TEX26: variants seen among roughly 807,000 people sequenced by gnomAD.
TEX26 encodes the protein testis-expressed protein 26.
In TEX26, 34 loss-of-function variants were observed where a neutral mutation model predicts 35.3. That is an observed-to-expected ratio of 0.96 (90% confidence interval 0.73 to 1.28). The LOEUF is 1.28. Ranked by LOEUF, TEX26 falls within the 50% of genes most tolerant of loss-of-function variation. TEX26 has a pLI of 0.00. For missense variants in TEX26, 371 were observed against 330.1 expected (o/e 1.12, Z -0.96); for synonymous variants, 136 against 111.8 (o/e 1.22, Z -1.36).
chr13:30,939,568 T>G, intron 1 of TEX26, 126 bp from the exon 2 acceptor site: 1 of 788,374 alleles, frequency 1.3e-6, no homozygotes. Flanking sequence ...CCTTTATTCC[T>G]TAGACTCTAA....
chr13:30,957,392 G>A (rs770282028), intron 4 of TEX26, among the ~76,000 whole-genome samples: 4 of 152,186 alleles, frequency 2.6e-5, no homozygotes, highest in Non-Finnish European at 5.9e-5. Flanking sequence ...CAAGAGTAGA[G>A]CATCAAGGGC....
At chr13:30,973,812 G>T (rs1201302629) in intron 6 of TEX26, among the ~76,000 whole-genome samples, 1 of 152,046 alleles carries the variant, frequency 6.6e-6, no homozygotes, top group Non-Finnish European at 1.5e-5. Context: ...TAACTGCTGG[G>T]AGTGAATAAA....
At chr13:30,942,757 T>A (rs1156658252) in intron 2 of TEX26, among the ~76,000 whole-genome samples, 1 of 152,176 alleles carries the variant, frequency 6.6e-6, no homozygotes, top group Admixed American at 6.5e-5. Flanking sequence ...CCCAAATTTA[T>A]GTTTTTGTAT....
intron 3 of TEX26, 92 bp downstream of exon 3, chr13:30,952,917 T>G: frequency 8.8e-7 from 1 of 1,135,956 alleles, no homozygotes; most frequent in Non-Finnish European, 1.3e-6. Context: ...CAAAGATCTC[T>G]CAGCTTCTAC....
intron 6 of TEX26, among the ~76,000 whole-genome samples, chr13:30,974,131 A>AAAATATATATATAT: frequency 1.8e-4 from 15 of 84,416 alleles, no homozygotes; most frequent in Non-Finnish European, 2.2e-4. Context: ...AAAAAAAAAA[A>AAAATATATATATAT]ATATATATAT....
rs141893790 is a variant in TEX26, at chr13:30,932,938, C to G, written c.61+162C>G. 2,767 of 696,922 alleles carry G rather than the reference C, an allele frequency of 4.0e-3. 8 individuals are homozygous for G. Among genetic ancestry groups the G allele is most frequent in the Admixed American group, 5.7e-3 (192 of 33,950 alleles). 43.2% of individuals were successfully genotyped at this position (696,922 alleles called of 1,614,324 possible). On this transcript the variant is annotated intron_variant, in intron 1 of 6. Transcript: ENST00000380473. Reference sequence around the variant, plus strand: ...CGGGGAGTCAGGGAGAATGACAGGGCCTTCATGACGCTGCCCCTTTTCAGT... The same window carrying G: ...CGGGGAGTCAGGGAGAATGACAGGGGCTTCATGACGCTGCCCCTTTTCAGT...
At chr13:30,955,607 AG>A (rs1487158878) in intron 3 of TEX26, among the ~76,000 whole-genome samples, 4 of 152,264 alleles carry the variant, frequency 2.6e-5, no homozygotes, top group Non-Finnish European at 5.9e-5. Context: ...GGAATAGCTT[AG>A]TAACTAGAAG....
chr13:30,957,621 G>A (rs569986043), intron 4 of TEX26, among the ~76,000 whole-genome samples: 9 of 152,310 alleles, frequency 5.9e-5, no homozygotes, highest in African/African-American at 2.2e-4. Flanking sequence ...GACAGGAGGA[G>A]GCTGTTAGGG....
At chr13:30,951,874 A>C (rs182397505) in intron 2 of TEX26, among the ~76,000 whole-genome samples, 7 of 152,074 alleles carry the variant, frequency 4.6e-5, no homozygotes, top group Admixed American at 4.6e-4. Flanking sequence ...AATCTAAAAA[A>C]GGTCCACACA....
intron 2 of TEX26, among the ~76,000 whole-genome samples, chr13:30,948,554 G>C (rs1953803952): frequency 6.6e-6 from 1 of 152,166 alleles, no homozygotes; most frequent in Non-Finnish European, 1.5e-5. Context: ...AGAAGAGTCT[G>C]TTCATATCCT....
At chr13:30,973,527 C>T (rs1954778930) in intron 6 of TEX26, 1 of 152,040 alleles carries the variant, frequency 6.6e-6, no homozygotes, top group Non-Finnish European at 1.5e-5. Context: ...AAAGTATACC[C>T]AACTAAAAAA....
intron 2 of TEX26, among the ~76,000 whole-genome samples, chr13:30,944,239 G>A (rs1953617904): frequency 6.6e-6 from 1 of 151,840 alleles, no homozygotes; most frequent in East Asian, 1.9e-4. Context: ...TCTAGTTTGA[G>A]TGCATTGAGG....
At chr13:30,963,060 C>A (rs921364968) in intron 4 of TEX26, among the ~76,000 whole-genome samples, 2 of 152,022 alleles carry the variant, frequency 1.3e-5, no homozygotes, top group Non-Finnish European at 2.9e-5. Flanking sequence ...AATCTCCCGA[C>A]CTCGTGATCC....
chr13:30,955,636 G>A (rs1954099241), intron 3 of TEX26, among the ~76,000 whole-genome samples: 2 of 152,238 alleles, frequency 1.3e-5, no homozygotes, highest in South Asian at 4.1e-4. Context: ...ACAGTGAAGA[G>A]AGTGCTTTCT....
intron 4 of TEX26, 81 bp downstream of exon 4, chr13:30,957,110 C>T: frequency 7.1e-7 from 1 of 1,416,116 alleles, no homozygotes; most frequent in Non-Finnish European, 9.7e-7. Flanking sequence ...TGCGTGTGTT[C>T]TTCTCCTTCA....
chr13:30,972,025 C>A (rs550862726), intron 6 of TEX26, among the ~76,000 whole-genome samples: 3 of 152,160 alleles, frequency 2.0e-5, no homozygotes, highest in Admixed American at 2.0e-4. Flanking sequence ...AATAAGGAAT[C>A]CTTCTTCTCA....
intron 3 of TEX26, among the ~76,000 whole-genome samples, chr13:30,954,097 T>C (rs1954032347): frequency 2.0e-5 from 3 of 152,054 alleles, no homozygotes; most frequent in Admixed American, 2.0e-4. Flanking sequence ...TGGTTGAAGA[T>C]GTGTCCAACA....
At chr13:30,974,298 C>T (rs1413778496) in intron 6 of TEX26, among the ~76,000 whole-genome samples, 2 of 151,616 alleles carry the variant, frequency 1.3e-5, no homozygotes, top group Non-Finnish European at 2.9e-5. Flanking sequence ...TAAACCTTAC[C>T]AGTATCGGTG....
chr13:30,970,078 C>G (rs1259668918), intron 6 of TEX26, among the ~76,000 whole-genome samples: 1 of 151,914 alleles, frequency 6.6e-6, no homozygotes, highest in Non-Finnish European at 1.5e-5. Context: ...CCTCTGAAAT[C>G]CTCGCTGAAA....
Sources: gnomAD v4.1 joint callset for allele counts (sites outside exome capture counted in the v4.1 genomes callset) on GRCh38, gnomAD v4.1.1 for gene constraint, MANE v1.5 for transcripts, NCBI Gene and HGNC (gene_info 2026-07-23, HGNC 2026-07-21) for gene names.